ANLN: variants seen among roughly 807,000 people sequenced by gnomAD.
ANLN encodes the protein anillin, actin binding protein.
ANLN carries 59 observed loss-of-function variants against 135.1 expected under a neutral mutation model. That is an observed-to-expected ratio of 0.44 (90% CI 0.35 to 0.54). The LOEUF (loss-of-function observed/expected upper bound fraction) is 0.54, where lower values mean the gene tolerates loss of function less well. ANLN is among the 20% of genes least tolerant of loss of function. ANLN has a pLI of 0.00. For synonymous variants in ANLN, 406 were observed against 456.4 expected (o/e 0.89, Z 1.41); for missense variants, 1,182 against 1,340.0 (o/e 0.88, Z 1.84).
In ANLN at chr7:36,406,540, G is replaced by T. The variant is rs1787198086; in HGVS notation, c.847G>T (p.Val283Phe). ...CTCAAGTGCTGATGATGCGTCTTTGGTTAATGCCTCAATTTCCAGCTCTGT... is the reference window on the plus strand; with the variant it reads ...CTCAAGTGCTGATGATGCGTCTTTGTTTAATGCCTCAATTTCCAGCTCTGT... ...LSSSADDASL[V>F]NASISSSVKA... Residue 283 changes from valine (V) to phenylalanine (F), a missense_variant, in exon 4 of 24, where the codon GTT (valine) becomes TTT (phenylalanine). By Grantham distance (50) the Val-to-Phe change is conservative (BLOSUM62 -1). Around this residue, in one of 3 missense-constraint regions of ANLN, gnomAD observed 1,022 missense variants for 1,134.0 expected, o/e 0.90. Coordinates refer to ENST00000265748, the MANE Select transcript of ANLN (RefSeq NM_018685.5). The T allele has an allele frequency of 6.6e-7, 1 of 1,515,052 alleles. No homozygotes were observed. The highest frequency in any genetic ancestry group is 2.3e-5 in the East Asian group (1 of 43,878). 93.9% of individuals were successfully genotyped at this position (1,515,052 alleles called of 1,614,324 possible). A position where few individuals can be genotyped will look rare whatever the true frequency, so the allele number is the denominator to read the frequency against.
intron 2 of ANLN, among the ~76,000 whole-genome samples, chr7:36,397,883 C>G (rs1314191477): frequency 6.6e-6 from 1 of 152,064 alleles, no homozygotes; most frequent in Non-Finnish European, 1.5e-5. Flanking sequence ...TGCATTCCAT[C>G]CTGGGTGACA....
At chr7:36,434,834 C>G (rs1788462960) in intron 20 of ANLN, among the ~76,000 whole-genome samples, 2 of 152,104 alleles carry the variant, frequency 1.3e-5, no homozygotes, top group Admixed American at 1.3e-4. Flanking sequence ...CCACTGCAGC[C>G]TGGGTAACAG....
Position 36,423,903 on chromosome 7 carries a change from C to A in ANLN, c.2563C>A (p.Leu855Ile), listed in dbSNP as rs765964103. The A allele has an allele frequency of 6.2e-7, 1 of 1,612,552 alleles. No homozygotes were observed. The highest frequency in any genetic ancestry group is 2.2e-5 in the East Asian group (1 of 44,744). The change falls in exon 15 of 24, where the codon CTT (leucine) becomes ATT (isoleucine). Residue 855 changes from leucine (L) to isoleucine (I), a missense_variant. Around this residue, in one of 3 missense-constraint regions of ANLN, gnomAD observed 1,022 missense variants for 1,134.0 expected, o/e 0.90. Transcript: ENST00000265748. ...ACCATTAGCAAGTACTTCAAACTCT[C>A]TTAACGGTGATGCTCTGACATTCAC... ...ATPLASTSNSLNGDALTFTTT... is the reference protein window; with the variant it reads ...ATPLASTSNSINGDALTFTTT...
intron 1 of ANLN, 185 bp downstream of exon 1, chr7:36,390,229 TTTG>T (rs2116465005): frequency 1.1e-6 from 1 of 934,914 alleles, no homozygotes; most frequent in East Asian, 2.7e-5. Flanking sequence ...CCTCTGAGAT[TTTG>T]TTGTTTCGGT....
intron 5 of ANLN, among the ~76,000 whole-genome samples, chr7:36,409,129 G>T (rs968796093): frequency 6.6e-6 from 1 of 152,208 alleles, no homozygotes; most frequent in African/African-American, 2.4e-5. Flanking sequence ...AATAGGACTA[G>T]TTAGTCCCAA....
At chr7:36,419,127 T>C in intron 9 of ANLN, 117 bp from the exon 10 acceptor site, 1 of 670,606 alleles carries the variant, frequency 1.5e-6, no homozygotes, top group Non-Finnish European at 2.4e-6. Context: ...TAGGAGGTGC[T>C]TTTTTTTAAG....
chr7:36,412,335 T>A (rs1215644021), intron 7 of ANLN, among the ~76,000 whole-genome samples: 8 of 135,022 alleles, frequency 5.9e-5, no homozygotes, highest in East Asian at 2.1e-4. Context: ...ATATTTTTTT[T>A]TTTTTTTTTT....
rs975465948 is a variant in ANLN, at chr7:36,453,033, G to A, written c.*433G>A. On this transcript the variant is annotated 3_prime_UTR_variant, in exon 24 of 24. Transcript: ENST00000265748. ...TGTGATCATTTATTGATCGTGATAT[G>A]ACTTGTTACTAGGGTACTGAAAAAA... 2 of 154,644 alleles carry A rather than the reference G, an allele frequency of 1.3e-5. No individual in the cohort carries two copies. Among genetic ancestry groups the A allele is most frequent in the Admixed American group, 6.4e-5 (1 of 15,564 alleles). 9.6% of individuals were successfully genotyped at this position (154,644 alleles called of 1,614,324 possible). A position where few individuals can be genotyped will look rare whatever the true frequency, so the allele number is the denominator to read the frequency against.
At chr7:36,420,936 A>C (rs1562803232) in intron 12 of ANLN, among the ~76,000 whole-genome samples, 192 bp downstream of exon 12, 2 of 152,214 alleles carry the variant, frequency 1.3e-5, no homozygotes, top group Admixed American at 6.5e-5. Context: ...GAAAACTTGG[A>C]AACTCATTTG....
At position 36,425,861 on chromosome 7, in the gene ANLN, TGGG is replaced by T. The variant is rs1444213510; in HGVS notation, c.2748+125_2748+127del. 9.5e-6 allele frequency: 11 copies of T among 1,152,784 alleles called. No homozygotes were observed. The Admixed American group carries it at 2.5e-4, about 26-fold the overall frequency. 71.4% of individuals were successfully genotyped at this position (1,152,784 alleles called of 1,614,324 possible). On this transcript the variant is annotated intron_variant, in intron 18 of 23. Coordinates refer to ENST00000265748, the MANE Select transcript of ANLN (RefSeq NM_018685.5). ...TGTGGAAAATTTTAACATGTACTAA[TGGG>T]GGGATATCCCTGTAATTTATGTAGG...
intron 4 of ANLN, among the ~76,000 whole-genome samples, chr7:36,407,151 T>C (rs747468796): frequency 1.1e-4 from 16 of 151,648 alleles, no homozygotes; most frequent in South Asian, 8.3e-4. Flanking sequence ...GGCTTTAGAA[T>C]TAGACCTGCA....
chr7:36,417,015 A>T (rs1787670577), intron 8 of ANLN, 65 bp from the exon 9 acceptor site: 1 of 859,358 alleles, frequency 1.2e-6, no homozygotes, highest in South Asian at 2.0e-5. Flanking sequence ...CACACACAAG[A>T]TTCCATAATT....
At chr7:36,436,176 T>A (rs1234494090) in intron 20 of ANLN, among the ~76,000 whole-genome samples, 1 of 152,190 alleles carries the variant, frequency 6.6e-6, no homozygotes, top group Non-Finnish European at 1.5e-5. Flanking sequence ...TATGGACATA[T>A]CTATTCTGTA....
At position 36,403,030 on chromosome 7, in the gene ANLN, T is replaced by C. The variant is rs370150752; in HGVS notation, c.488-3151T>C. 4.5e-4 allele frequency among the ~76,000 whole-genome samples: 69 copies of C among 152,278 alleles called. No homozygotes were observed. The East Asian group carries it at 7.3e-3, about 16-fold the overall frequency. On this transcript the variant is annotated intron_variant, in intron 3 of 23. Transcript: ENST00000265748. ...TACTTGGGAGGCTGAGGCAGGAGAA[T>C]GTCTTGAACCCGGGAGGCGGAGGTT...
chr7:36,403,362 G>C (rs1787044782), intron 3 of ANLN: 1 of 152,178 alleles, frequency 6.6e-6, no homozygotes, highest in African/African-American at 2.4e-5. Context: ...TGTTATTTGG[G>C]ATATCTGTGG....
At position 36,425,741 on chromosome 7, in the gene ANLN, G is replaced by A; in HGVS notation, c.2748+1G>A. The A allele has an allele frequency of 6.2e-7, 1 of 1,611,320 alleles. No homozygotes were observed. Among genetic ancestry groups the A allele is most frequent in the Non-Finnish European group, 8.5e-7 (1 of 1,178,318 alleles). Reference sequence around the variant, plus strand: ...GCGACTCCTCACATCTATAACCACAGTAAGTAGAATTTTTGAGAAATTGAG... The same window carrying A: ...GCGACTCCTCACATCTATAACCACAATAAGTAGAATTTTTGAGAAATTGAG... On this transcript the variant is annotated splice_donor_variant, in intron 18 of 23. Coordinates refer to ENST00000265748, the MANE Select transcript of ANLN (RefSeq NM_018685.5). LOFTEE classifies it high-confidence loss of function.
At chr7:36,401,179 T>G (rs1786930267) in intron 3 of ANLN, among the ~76,000 whole-genome samples, 2 of 152,208 alleles carry the variant, frequency 1.3e-5, no homozygotes, top group Non-Finnish European at 2.9e-5. Context: ...CGTTTAATTC[T>G]TATAATCTTG....
chr7:36,420,293 A>C lies in ANLN; in HGVS notation c.1994A>C (p.Glu665Ala). 1 of 1,614,084 alleles carries C rather than the reference A, an allele frequency of 6.2e-7. No homozygotes were observed. Among genetic ancestry groups the C allele is most frequent in the Non-Finnish European group, 8.5e-7 (1 of 1,179,966 alleles). ...RAESGDSLGS[E>A]DRDLLYSIDA... ...GAATCTGGTGATAGCCTTGGTTCTG[A>C]AGATCGTGATCTTCTTTACAGGTAA... The change falls in exon 11 of 24, where the codon GAA becomes GCA. Residue 665 changes from glutamate (E) to alanine (A), a missense_variant. Glu to Ala is a moderately radical substitution (Grantham distance 107, BLOSUM62 -1). This residue lies in a region of ANLN where 1,022 missense variants were observed against 1,134.0 expected (regional missense o/e 0.90). Coordinates refer to ENST00000265748, the MANE Select transcript of ANLN (RefSeq NM_018685.5).
Position 36,406,467 on chromosome 7 carries a change from A to G in ANLN, c.774A>G (p.Thr258=), listed in dbSNP as rs1239416787. Residue 258 remains threonine, a synonymous_variant, in exon 4 of 24, where the codon ACA becomes ACG. Transcript: ENST00000265748. ...INSSSVKQEA[T]FCSQRDGDAS... The stretch of plus-strand genomic sequence containing the variant: ...GCAGCAGTGTTAAGCAGGAAGCTAC[A>G]TTCTGTTCCCAAAGGGATGGCGATG... The G allele has an allele frequency of 4.4e-6, 7 of 1,608,920 alleles. No homozygotes were observed. In the Admixed American group the frequency reaches 1.2e-4, roughly 27 times the overall value.
Sources: allele counts gnomAD v4.1 joint callset (sites outside exome capture counted in the v4.1 genomes callset), GRCh38; gene constraint gnomAD v4.1.1; regional missense constraint gnomAD v4.1.1; transcripts MANE v1.5; gene names NCBI Gene and HGNC (gene_info 2026-07-23, HGNC 2026-07-21).